Variants in BMPER observed in about 807,000 individuals in gnomAD.
The protein encoded by BMPER is BMP-binding endothelial regulator protein.
In BMPER, 45 loss-of-function variants were observed where a neutral mutation model predicts 87.3. The observed-to-expected ratio is 0.52, with a 90% CI of 0.41 to 0.66. The LOEUF (loss-of-function observed/expected upper bound fraction) is 0.66, where lower values mean the gene tolerates loss of function less well. BMPER is among the 30% of genes least tolerant of loss of function. BMPER has a pLI of 0.00. For synonymous variants in BMPER, 326 were observed against 316.2 expected, an observed-to-expected ratio of 1.03 and a Z score of -0.33; for missense variants, 784 against 867.5, an observed-to-expected ratio of 0.90 and a Z score of 1.21.
At chr7:33,951,085 G>C (rs1360716459) in intron 3 of BMPER, among the ~76,000 whole-genome samples, 2 of 150,574 alleles carry the variant, frequency 1.3e-5, no homozygotes, top group Non-Finnish European at 3.0e-5. Flanking sequence ...TCTCTCTCTG[G>C]TGCCCAGGCT....
rs150353558 is a variant in BMPER, at chr7:34,116,267, G to T, written c.1746-26963G>T. 1.2e-3 allele frequency among the ~76,000 whole-genome samples: 190 copies of T among 152,278 alleles called. 1 individual carries two copies. Among genetic ancestry groups the T allele is most frequent in the African/African-American group, 4.3e-3 (179 of 41,562 alleles). ...AATAGTAGTATACAATAAAACACTG[G>T]GTGGCTGGCTAGTTGGCTGATTGAC... On this transcript the variant is annotated intron_variant, in intron 13 of 14. Coordinates refer to ENST00000649409, the MANE Select transcript of BMPER (RefSeq NM_001365308.1).
chr7:34,103,117 A>C (rs1407996219), intron 13 of BMPER, among the ~76,000 whole-genome samples: 3 of 152,160 alleles, frequency 2.0e-5, no homozygotes, highest in Admixed American at 2.0e-4. Context: ...AAGGCTTTAC[A>C]GGCTGTGGGA....
intron 6 of BMPER, 56 bp downstream of exon 6, chr7:33,974,840 C>T: frequency 1.9e-6 from 3 of 1,542,008 alleles, no homozygotes; most frequent in East Asian, 4.5e-5. Flanking sequence ...ACTTCTTGTA[C>T]TCACCAAGAG....
At chr7:34,017,587 A>T (rs988171306) in intron 6 of BMPER, among the ~76,000 whole-genome samples, 1 of 151,928 alleles carries the variant, frequency 6.6e-6, no homozygotes, top group African/African-American at 2.4e-5. Flanking sequence ...TGAGATTTGG[A>T]TGGGGACACA....
intron 3 of BMPER, among the ~76,000 whole-genome samples, chr7:33,940,288 T>C (rs1784721279): frequency 6.6e-6 from 1 of 152,252 alleles, no homozygotes; most frequent in African/African-American, 2.4e-5. Context: ...TCGTCCTTAA[T>C]AGATACATAA....
intron 3 of BMPER, among the ~76,000 whole-genome samples, chr7:33,963,470 A>G (rs1450913693): frequency 6.6e-6 from 1 of 152,148 alleles, no homozygotes; most frequent in Non-Finnish European, 1.5e-5. Context: ...ATTATATTTT[A>G]TAAAAGTATC....
chr7:33,906,707 T>C (rs1783826696), intron 1 of BMPER, 111 bp from the exon 2 acceptor site: 1 of 934,170 alleles, frequency 1.1e-6, no homozygotes, highest in South Asian at 1.4e-5. Flanking sequence ...ACATTAAGAA[T>C]TCTGAAGTTT....
intron 2 of BMPER, among the ~76,000 whole-genome samples, chr7:33,917,492 T>C (rs927289672): frequency 6.6e-6 from 1 of 151,974 alleles, no homozygotes; most frequent in African/African-American, 2.4e-5. Flanking sequence ...GACGGGCAAT[T>C]ATAAGGTTTC....
intron 14 of BMPER, among the ~76,000 whole-genome samples, chr7:34,149,140 A>G (rs554299545): frequency 3.9e-5 from 6 of 152,078 alleles, no homozygotes; most frequent in African/African-American, 1.4e-4. Context: ...TCATCGATAC[A>G]CTCTCTTCAA....
chr7:33,927,048 G>T (rs1784377113), intron 2 of BMPER, among the ~76,000 whole-genome samples: 1 of 152,230 alleles, frequency 6.6e-6, no homozygotes, highest in Admixed American at 6.5e-5. Flanking sequence ...GGTGGTCAGG[G>T]TCAATTGTGC....
intron 6 of BMPER, among the ~76,000 whole-genome samples, chr7:33,978,567 G>A (rs952382037): frequency 4.6e-5 from 7 of 152,112 alleles, no homozygotes; most frequent in Admixed American, 1.3e-4. Flanking sequence ...GGCTGCTCCC[G>A]GGAGGTCTTG....
At chr7:34,052,180 G>A (rs945172328) in intron 8 of BMPER, among the ~76,000 whole-genome samples, 5 of 152,184 alleles carry the variant, frequency 3.3e-5, no homozygotes, top group Admixed American at 6.5e-5. Flanking sequence ...GGACCAAGAA[G>A]TTAGCTCCTT....
chr7:33,958,386 C>T lies in BMPER; in HGVS notation c.320-8093C>T, dbSNP rs144331601. ...TTGTTGCTTCCTAATGTTGAAAGGC[C>T]CAAGGCTTAGCATAGTTGGTAGCCA... On this transcript the variant is annotated intron_variant, in intron 3 of 14. Coordinates refer to ENST00000649409, the MANE Select transcript of BMPER (RefSeq NM_001365308.1). 6.2e-3 allele frequency among the ~76,000 whole-genome samples: 948 copies of T among 152,198 alleles called. 10 individuals carry two copies. The highest frequency in any genetic ancestry group is 8.9e-3 in the Non-Finnish European group (608 of 68,024).
intron 13 of BMPER, among the ~76,000 whole-genome samples, chr7:34,141,529 G>A (rs1207598346): frequency 7.2e-6 from 1 of 138,396 alleles, no homozygotes; most frequent in East Asian, 2.2e-4. Flanking sequence ...AATATTGCTT[G>A]AACCCAAGAG....
chr7:34,042,457 C>T (rs1367955413), intron 6 of BMPER, among the ~76,000 whole-genome samples: 1 of 152,148 alleles, frequency 6.6e-6, no homozygotes, highest in Admixed American at 6.5e-5. Flanking sequence ...ACATAGTTTT[C>T]AACTGTGCTT....
intron 3 of BMPER, among the ~76,000 whole-genome samples, chr7:33,961,376 G>C (rs1785266682): frequency 6.6e-6 from 1 of 152,150 alleles, no homozygotes; most frequent in African/African-American, 2.4e-5. Context: ...TGGGTGCCTG[G>C]TCTGTACCTC....
intron 6 of BMPER, 86 bp downstream of exon 6, chr7:33,974,870 C>T (rs1785645814): frequency 2.3e-6 from 3 of 1,303,876 alleles, no homozygotes; most frequent in South Asian, 2.4e-5. Flanking sequence ...TCTCTACAGC[C>T]TCTCTCTCGT....
intron 6 of BMPER, among the ~76,000 whole-genome samples, chr7:34,031,977 TC>T (rs1787537531): frequency 7.7e-6 from 1 of 129,418 alleles, no homozygotes; most frequent in Non-Finnish European, 1.6e-5. Flanking sequence ...TATAAATATA[TC>T]TTATATATAA....
intron 11 of BMPER, among the ~76,000 whole-genome samples, chr7:34,073,415 T>C (rs1217678500): frequency 1.3e-5 from 2 of 152,216 alleles, no homozygotes; most frequent in African/African-American, 4.8e-5. Flanking sequence ...ATGGCAAGTA[T>C]TTTTGTATCT....
Sources: allele counts gnomAD v4.1 joint callset (sites outside exome capture counted in the v4.1 genomes callset), GRCh38; gene constraint gnomAD v4.1.1; transcripts MANE v1.5; gene names NCBI Gene and HGNC (gene_info 2026-07-23, HGNC 2026-07-21).